The following RNF144B variants were observed in gnomAD, a reference collection of about 807,000 sequenced individuals.
RNF144B encodes the protein E3 ubiquitin-protein ligase RNF144B.
A neutral mutation model predicts 40.2 loss-of-function variants in RNF144B; 25 were observed. That is an observed-to-expected ratio of 0.62 (90% confidence interval 0.45 to 0.87). RNF144B has a LOEUF of 0.87. RNF144B is among the 40% of genes least tolerant of loss of function. The pLI is 0.00. For synonymous variants in RNF144B, 145 were observed against 136.3 expected (o/e 1.06, Z -0.44); for missense variants, 365 against 373.7 (o/e 0.98, Z 0.19).
At chr6:18,455,273 A>G (rs537670276) in intron 4 of RNF144B, among the ~76,000 whole-genome samples, 1 of 152,144 alleles carries the variant, frequency 6.6e-6, no homozygotes, top group Non-Finnish European at 1.5e-5. Context: ...TGAAGGGTTC[A>G]CTGTTCTTTG....
In RNF144B at chr6:18,439,181, C is replaced by T. The variant is rs777639637; in HGVS notation, c.271-503C>T. On this transcript the variant is annotated intron_variant, in intron 3 of 7. Transcript: ENST00000259939. ...TAACCGAGGGCTCTAGGAAGTGACT[C>T]TTGTCAGAAGACATGATTTTTATAT... Among the ~76,000 whole-genome samples, 9 of 152,242 alleles carry T rather than the reference C, an allele frequency of 5.9e-5. No homozygotes were observed. The South Asian group carries it at 1.7e-3, about 28-fold the overall frequency.
intron 3 of RNF144B, among the ~76,000 whole-genome samples, chr6:18,435,170 A>G (rs1272611693): frequency 6.6e-6 from 1 of 152,214 alleles, no homozygotes; most frequent in East Asian, 1.9e-4. Context: ...GATAGGAGAG[A>G]GAAATTTCTG....
chr6:18,430,971 A>G (rs980878315), intron 3 of RNF144B, among the ~76,000 whole-genome samples: 1 of 152,136 alleles, frequency 6.6e-6, no homozygotes, highest in Non-Finnish European at 1.5e-5. Flanking sequence ...GGCCAGGTGC[A>G]GTGGCTCACG....
At position 18,443,097 on chromosome 6, in the gene RNF144B, C is replaced by T. The variant is rs912371845; in HGVS notation, c.331+3353C>T. Among the ~76,000 whole-genome samples, 3 of 152,118 alleles carry T rather than the reference C, an allele frequency of 2.0e-5. No individual in the cohort carries two copies. The highest frequency in any genetic ancestry group is 4.4e-5 in the Non-Finnish European group (3 of 68,028). On this transcript the variant is annotated intron_variant, in intron 4 of 7. Coordinates refer to ENST00000259939, the MANE Select transcript of RNF144B (RefSeq NM_182757.4). This position sits in a 1 kb window ranked among gnomAD's most constrained non-coding sequence, Gnocchi z 4.7. ...AATTTTACATTTAGTTTTTGAGGAA[C>T]TGCCAAATTGTAAAACCCTATAATT...
intron 2 of RNF144B, among the ~76,000 whole-genome samples, chr6:18,404,561 G>T (rs1278765851): frequency 6.6e-6 from 1 of 152,164 alleles, no homozygotes; most frequent in African/African-American, 2.4e-5. Context: ...TAAAAAGGTG[G>T]TTATATAGGT....
intron 2 of RNF144B, among the ~76,000 whole-genome samples, chr6:18,407,024 G>A (rs1311807982): frequency 6.6e-6 from 1 of 152,060 alleles, no homozygotes; most frequent in Non-Finnish European, 1.5e-5. Flanking sequence ...GGAACAGCAT[G>A]GGGGATACTG....
At chr6:18,411,822 C>T (rs1795053355) in intron 2 of RNF144B, among the ~76,000 whole-genome samples, 1 of 152,108 alleles carries the variant, frequency 6.6e-6, no homozygotes. Context: ...GACTCTTTCC[C>T]TGTGTACTTA....
intron 2 of RNF144B, among the ~76,000 whole-genome samples, chr6:18,411,234 C>T (rs191188690): frequency 5.9e-5 from 9 of 151,710 alleles, no homozygotes; most frequent in East Asian, 3.9e-4. Context: ...CTGCCTGCCT[C>T]GGCCTCCCAA....
rs901996872 is a variant in RNF144B, at chr6:18,425,857, T to A, written c.166-1724T>A. ...TATTTTGGGTATTTAGGTTATTTTC[T>A]AGTTTTTGCTGTGATGAATATTATA... is the stretch of plus-strand genomic sequence containing the variant. On this transcript the variant is annotated intron_variant, in intron 2 of 7. Transcript: ENST00000259939. This position sits in a 1 kb window ranked among gnomAD's most constrained non-coding sequence, Gnocchi z 4.2. 2.0e-5 allele frequency among the ~76,000 whole-genome samples: 3 copies of A among 152,244 alleles called. No individual in the cohort carries two copies. Among genetic ancestry groups the A allele is most frequent in the Non-Finnish European group, 4.4e-5 (3 of 68,042 alleles).
rs1189464115 is a variant in RNF144B, at chr6:18,446,063, T to A, written c.331+6319T>A. ...AGAACAGCTCTTCATGTGATAGCAA[T>A]CTGACTTCCAGCTGGTGTCTACCAG... On this transcript the variant is annotated intron_variant, in intron 4 of 7. Transcript: ENST00000259939. The surrounding 1 kb of genome is among the most constrained non-coding windows in gnomAD (Gnocchi z 4.7). 1.3e-5 allele frequency among the ~76,000 whole-genome samples: 2 copies of A among 152,198 alleles called. No homozygotes were observed. Among genetic ancestry groups the A allele is most frequent in the Admixed American group, 6.5e-5 (1 of 15,280 alleles).
chr6:18,399,320 C>T (rs1471357739), intron 1 of RNF144B, among the ~76,000 whole-genome samples, 179 bp from the exon 2 acceptor site: 2 of 152,156 alleles, frequency 1.3e-5, no homozygotes, highest in Non-Finnish European at 2.9e-5. Context: ...TTCAGGACTT[C>T]AGGGATACCT....
At position 18,463,386 on chromosome 6, in the gene RNF144B, C is replaced by T; in HGVS notation, c.771+6C>T. The T allele has an allele frequency of 6.3e-7, 1 of 1,582,718 alleles. No individual in the cohort carries two copies. The highest frequency in any genetic ancestry group is 8.7e-7 in the Non-Finnish European group (1 of 1,151,460). On this transcript the variant is annotated splice_donor_region_variant and intron_variant, in intron 7 of 7. Coordinates refer to ENST00000259939, the MANE Select transcript of RNF144B (RefSeq NM_182757.4). ...TGATGTGGAACCGAACACAGGTACCCTGACCTTATAGGGAGCGTGACATAA... is the reference window on the plus strand; with the variant it reads ...TGATGTGGAACCGAACACAGGTACCTTGACCTTATAGGGAGCGTGACATAA...
Position 18,442,840 on chromosome 6 carries a change from A to C in RNF144B, c.331+3096A>C, listed in dbSNP as rs79227687. On this transcript the variant is annotated intron_variant, in intron 4 of 7. Transcript: ENST00000259939. The surrounding 1 kb of genome is among the most constrained non-coding windows in gnomAD (Gnocchi z 4.3). ...TATTTTACTTAATATATGTTTTTCAAAGTTCCATTCCTGTAGTAGCAGGTA... is the reference window on the plus strand; with the variant it reads ...TATTTTACTTAATATATGTTTTTCACAGTTCCATTCCTGTAGTAGCAGGTA... Among the ~76,000 whole-genome samples the C allele has an allele frequency of 4.6e-5, 7 of 152,280 alleles. No homozygotes were observed. The highest frequency in any genetic ancestry group is 1.7e-4 in the African/African-American group (7 of 41,556).
Position 18,443,383 on chromosome 6 carries a change from C to T in RNF144B, c.331+3639C>T, listed in dbSNP as rs1759008940. ...GTTCAAGCGATTCTCCTGCCTCAGCCTCCCGAGTAGATGGGATTACAGGTG... is the reference window on the plus strand; with the variant it reads ...GTTCAAGCGATTCTCCTGCCTCAGCTTCCCGAGTAGATGGGATTACAGGTG... On this transcript the variant is annotated intron_variant, in intron 4 of 7. Coordinates refer to ENST00000259939, the MANE Select transcript of RNF144B (RefSeq NM_182757.4). This position sits in a 1 kb window ranked among gnomAD's most constrained non-coding sequence, Gnocchi z 4.7. Among the ~76,000 whole-genome samples the T allele has an allele frequency of 6.6e-6, 1 of 152,154 alleles. No homozygotes were observed. The highest frequency in any genetic ancestry group is 2.4e-5 in the African/African-American group (1 of 41,438).
intron 4 of RNF144B, among the ~76,000 whole-genome samples, chr6:18,453,882 GCTTT>G (rs1759270479): frequency 6.6e-6 from 1 of 152,174 alleles, no homozygotes; most frequent in East Asian, 1.9e-4. Context: ...CAGCTAAGAT[GCTTT>G]CAGCTGCAAG....
rs1243232898 is a variant in RNF144B at position 18,400,351 on chromosome 6, G to C, written c.165+652G>C. On this transcript the variant is annotated intron_variant, in intron 2 of 7. Transcript: ENST00000259939. The surrounding 1 kb of genome is among the most constrained non-coding windows in gnomAD (Gnocchi z 5.6). ...CTCACCAGGTATTTTAAATGATGGAGAAGTCAGGTAGTAATTTACTTTATG... is the reference window on the plus strand; with the variant it reads ...CTCACCAGGTATTTTAAATGATGGACAAGTCAGGTAGTAATTTACTTTATG... 2.0e-5 allele frequency among the ~76,000 whole-genome samples: 3 copies of C among 151,934 alleles called. No homozygotes were observed. The East Asian group carries it at 5.8e-4, about 29-fold the overall frequency.
intron 2 of RNF144B, among the ~76,000 whole-genome samples, chr6:18,409,561 C>CTTTTTTTTTTTTTT (rs70974741): frequency 1.1e-5 from 1 of 93,262 alleles, no homozygotes; most frequent in African/African-American, 4.1e-5. Flanking sequence ...CTTGCATAAC[C>CTTTTTTTTTTTTTT]TTTTTTTTTT....
intron 4 of RNF144B, among the ~76,000 whole-genome samples, chr6:18,454,965 C>G (rs1341587536): frequency 5.3e-5 from 8 of 152,124 alleles, no homozygotes; most frequent in Admixed American, 3.9e-4. Context: ...TCTTTTTCAT[C>G]AAACTTTTAA....
At position 18,465,287 on chromosome 6, in the gene RNF144B, T is replaced by G. The variant is rs981618177; in HGVS notation, c.*220T>G. 2 of 560,026 alleles carry G rather than the reference T, an allele frequency of 3.6e-6. No individual in the cohort carries two copies. The highest frequency in any genetic ancestry group is 6.3e-6 in the Non-Finnish European group (2 of 315,110). The allele number at this position is 560,026 out of a possible 1,614,324, so 34.7% of individuals were successfully genotyped here. A position where few individuals can be genotyped will look rare whatever the true frequency, so the allele number is the denominator to read the frequency against. On this transcript the variant is annotated 3_prime_UTR_variant, in exon 8 of 8. Coordinates refer to ENST00000259939, the MANE Select transcript of RNF144B (RefSeq NM_182757.4). The stretch of plus-strand genomic sequence containing the variant: ...AACTGGGCTCAACGGTCCAGCTGTT[T>G]CTATGGAGCTTTGGGGTTCCTTGAG...
Sources: gnomAD v4.1 joint callset for allele counts (sites outside exome capture counted in the v4.1 genomes callset) on GRCh38, gnomAD v4.1.1 for gene constraint, Gnocchi (gnomAD v3.1) non-coding constraint, MANE v1.5 for transcripts, NCBI Gene and HGNC (gene_info 2026-07-23, HGNC 2026-07-21) for gene names.